COG7: variants seen among roughly 807,000 people sequenced by gnomAD.
The protein encoded by COG7 is component of oligomeric golgi complex 7.
Under a neutral mutation model 91.5 loss-of-function variants are expected in COG7, and 49 were observed. The ratio of observed to expected loss-of-function variants is 0.54; its 90% CI spans 0.43 to 0.68. The LOEUF is 0.68. Among genes scored for constraint, COG7 ranks in the 30% least tolerant of loss-of-function variants. COG7 has a pLI of 0.00. For missense variants in COG7, 895 were observed against 961.3 expected, an observed-to-expected ratio of 0.93 and a Z score of 0.91; for synonymous variants, 365 against 388.7, an observed-to-expected ratio of 0.94 and a Z score of 0.72.
chr16:23,390,901 T>G (rs1231698709), intron 16 of COG7, among the ~76,000 whole-genome samples: 1 of 152,266 alleles, frequency 6.6e-6, no homozygotes, highest in Non-Finnish European at 1.5e-5. Flanking sequence ...TCCACTTGAC[T>G]GTCAGCCAAG....
Position 23,447,668 on chromosome 16 carries a change from G to A in COG7, c.170-1707C>T, listed in dbSNP as rs1016255190. On this transcript the variant is annotated intron_variant, in intron 1 of 16. Coordinates refer to ENST00000307149, the MANE Select transcript of COG7 (RefSeq NM_153603.4). ...TGTAATCCCAGCACTTTGGGAGGCT[G>A]AGGCAGGCAGATCACGAGGTCAAGA... 3.2e-4 allele frequency among the ~76,000 whole-genome samples: 48 copies of A among 152,078 alleles called. 1 individual carries two copies. Among genetic ancestry groups the A allele is most frequent in the Admixed American group, 2.9e-3 (44 of 15,270 alleles).
chr16:23,407,441 G>T (rs1401739828), intron 11 of COG7, among the ~76,000 whole-genome samples: 1 of 152,188 alleles, frequency 6.6e-6, no homozygotes, highest in Non-Finnish European at 1.5e-5. Flanking sequence ...CCTCCTAAGG[G>T]TTAGCAGAAT....
chr16:23,414,067 G>A (rs1963612791), intron 9 of COG7: 1 of 168,702 alleles, frequency 5.9e-6, no homozygotes, highest in Non-Finnish European at 1.3e-5. Context: ...CGGCTGGCAA[G>A]TGTCTGACTT....
chr16:23,389,423 A>C (rs982531986), intron 16 of COG7, among the ~76,000 whole-genome samples: 2 of 151,526 alleles, frequency 1.3e-5, no homozygotes, highest in African/African-American at 4.8e-5. Context: ...ACACACACTC[A>C]CATGTACACA....
At chr16:23,425,155 C>T (rs928059033) in intron 6 of COG7, among the ~76,000 whole-genome samples, 10 of 152,058 alleles carry the variant, frequency 6.6e-5, no homozygotes, top group African/African-American at 2.4e-4. Flanking sequence ...ACTAAAAATA[C>T]AAAAATTAGC....
At chr16:23,412,509 T>G (rs1326381107) in intron 10 of COG7, 1 of 152,232 alleles carries the variant, frequency 6.6e-6, no homozygotes, top group African/African-American at 2.4e-5. Flanking sequence ...CAGTCCATGC[T>G]CTCCAGCTGG....
At chr16:23,443,901 C>G (rs1596956422) in intron 3 of COG7, among the ~76,000 whole-genome samples, 1 of 152,166 alleles carries the variant, frequency 6.6e-6, no homozygotes, top group South Asian at 2.1e-4. Flanking sequence ...CCTGTAATCC[C>G]TGCACTTTGG....
At chr16:23,394,981 G>A (rs1455049276) in intron 14 of COG7, 1 of 151,674 alleles carries the variant, frequency 6.6e-6, no homozygotes, top group African/African-American at 2.4e-5. Flanking sequence ...AATTTTTTTT[G>A]TATTTTTAGT....
At position 23,424,919 on chromosome 16, in the gene COG7, A is replaced by G; in HGVS notation, c.839T>C (p.Met280Thr). The G allele has an allele frequency of 1.2e-6, 2 of 1,612,806 alleles. No individual in the cohort carries two copies. The highest frequency in any genetic ancestry group is 1.7e-6 in the Non-Finnish European group (2 of 1,179,378). ...CCCCAGGGTCTGAATCAGCAGCACC[A>G]TTACCACCTCGTGGGGCTTCTGGAA... ...QVFQKPHEVV[M>T]VLLIQTLGAL... is the part of the protein sequence containing the mutation. Residue 280 changes from methionine (M) to threonine (T), a missense_variant, in exon 7 of 17, where the codon ATG becomes ACG. By Grantham distance (81) the Met-to-Thr change is moderately conservative (BLOSUM62 -1). Transcript: ENST00000307149.
chr16:23,419,069 CCT>C (rs1383412560), intron 7 of COG7, among the ~76,000 whole-genome samples: 2 of 152,212 alleles, frequency 1.3e-5, no homozygotes, highest in Admixed American at 6.5e-5. Context: ...ACACCAGCCC[CCT>C]GAATCCCATG....
chr16:23,399,715 CAG>C (rs781486878), intron 13 of COG7, among the ~76,000 whole-genome samples: 1 of 152,128 alleles, frequency 6.6e-6, no homozygotes, highest in Non-Finnish European at 1.5e-5. Flanking sequence ...CAGAGGCAGA[CAG>C]AGGCTGGAGG....
intron 9 of COG7, 104 bp from the exon 10 acceptor site, chr16:23,413,668 G>C (rs1466132129): frequency 1.3e-6 from 1 of 777,956 alleles, no homozygotes; most frequent in Admixed American, 1.7e-5. Flanking sequence ...ATGGCCTTGA[G>C]AGCATCTTTA....
At chr16:23,412,486 G>C (rs1963579721) in intron 10 of COG7, 1 of 152,188 alleles carries the variant, frequency 6.6e-6, no homozygotes, top group Admixed American at 6.5e-5. Context: ...GGTCAAATCT[G>C]GCCATAGGCC....
chr16:23,418,212 T>C (rs1363947210), intron 8 of COG7, among the ~76,000 whole-genome samples: 3 of 152,190 alleles, frequency 2.0e-5, no homozygotes, highest in African/African-American at 7.2e-5. Flanking sequence ...GGATTTTAAA[T>C]AGAAAACTAG....
At chr16:23,416,800 C>T in intron 9 of COG7, 167 bp downstream of exon 9, 1 of 761,144 alleles carries the variant, frequency 1.3e-6, no homozygotes, top group Non-Finnish European at 2.2e-6. Context: ...TTCAAATGTT[C>T]CACCATTACA....
At chr16:23,420,762 G>A (rs1020541455) in intron 7 of COG7, among the ~76,000 whole-genome samples, 1 of 151,530 alleles carries the variant, frequency 6.6e-6, no homozygotes, top group Non-Finnish European at 1.5e-5. Flanking sequence ...TTTTTTCTTC[G>A]AGACAGGATC....
intron 16 of COG7, chr16:23,391,850 G>T: frequency 3.4e-6 from 1 of 292,908 alleles, no homozygotes; most frequent in Non-Finnish European, 5.6e-6. Context: ...GACTTGGCAG[G>T]CAGGATGCTA....
At chr16:23,413,718 G>A (rs746415813) in intron 9 of COG7, 154 bp from the exon 10 acceptor site, 63 of 639,664 alleles carry the variant, frequency 9.8e-5, no homozygotes, top group Middle Eastern at 8.8e-4. Context: ...GTAAACCTCT[G>A]AACACAAAAA....
rs1169310822 is a variant in COG7, at chr16:23,403,691, C to G, written c.1803+3G>C. ...AAATTGATGTGGTCAGTGAGAAACT[C>G]ACGTCCATCTTCGAAATAAGCAACA... On this transcript the variant is annotated splice_donor_region_variant and intron_variant, in intron 13 of 16. Transcript: ENST00000307149. 6.2e-7 allele frequency: 1 copy of G among 1,613,962 alleles called. No homozygotes were observed. Among genetic ancestry groups the G allele is most frequent in the African/African-American group, 1.3e-5 (1 of 75,028 alleles).
Sources: gnomAD v4.1 joint callset for allele counts (sites outside exome capture counted in the v4.1 genomes callset) on GRCh38, gnomAD v4.1.1 for gene constraint, MANE v1.5 for transcripts, NCBI Gene and HGNC (gene_info 2026-07-23, HGNC 2026-07-21) for gene names.